The following EML1 variants were observed in gnomAD, a reference collection of about 807,000 sequenced individuals.
EML1 encodes echinoderm microtubule-associated protein-like 1.
Under a neutral mutation model 110.4 loss-of-function variants are expected in EML1, and 27 were observed. The observed-to-expected ratio is 0.24, with a 90% CI of 0.18 to 0.34. The LOEUF (loss-of-function observed/expected upper bound fraction) is 0.34, where lower values mean the gene tolerates loss of function less well. EML1 is among the 10% of genes least tolerant of loss of function. EML1 has a pLI of 1.00. For missense variants in EML1, 741 were observed against 1,030.9 expected (o/e 0.72, Z 3.85); for synonymous variants, 344 against 385.8 (o/e 0.89, Z 1.27).
At chr14:99,870,901 A>G (rs1202802866) in intron 3 of EML1, among the ~76,000 whole-genome samples, 1 of 152,150 alleles carries the variant, frequency 6.6e-6, no homozygotes, top group Non-Finnish European at 1.5e-5. Context: ...CACAACACGC[A>G]TTCTGCAGCC....
chr14:99,788,395 A>G (rs1052840840), intron 1 of EML1, among the ~76,000 whole-genome samples: 1 of 152,206 alleles, frequency 6.6e-6, no homozygotes, highest in Non-Finnish European at 1.5e-5. Flanking sequence ...CGTTCTTACT[A>G]TGCTCAGTGC....
intron 1 of EML1, among the ~76,000 whole-genome samples, chr14:99,833,361 GAT>G (rs2058491430): frequency 6.6e-6 from 1 of 152,100 alleles, no homozygotes; most frequent in South Asian, 2.1e-4. Flanking sequence ...CTATTCTGTT[GAT>G]CTGTTTACAC....
At chr14:99,770,934 G>A (rs1414468740), upstream of EML1, among the ~76,000 whole-genome samples, 1 of 151,852 alleles carries the variant, frequency 6.6e-6, no homozygotes, top group African/African-American at 2.4e-5. Flanking sequence ...ACAGGCGCCC[G>A]CCACTACGCC....
chr14:99,941,011 A>T lies in EML1; in HGVS notation c.*899A>T, dbSNP rs2060579993. The stretch of plus-strand genomic sequence containing the variant: ...ATTGTATATTTGTATTTTATGACCA[A>T]GTAGACCAAGTCAGAAAGATCTCTC... On this transcript the variant is annotated 3_prime_UTR_variant, in exon 22 of 22. Coordinates refer to ENST00000262233, the MANE Select transcript of EML1 (RefSeq NM_004434.3). 1 of 152,266 alleles carries T rather than the reference A, an allele frequency of 6.6e-6. No individual in the cohort carries two copies. Among genetic ancestry groups the T allele is most frequent in the Admixed American group, 6.5e-5 (1 of 15,288 alleles). The allele number at this position is 152,266 out of a possible 1,614,324, so 9.4% of individuals were successfully genotyped here.
At position 99,920,882 on chromosome 14, in the gene EML1, G is replaced by C. The variant is rs769995664; in HGVS notation, c.1909+5G>C. On this transcript the variant is annotated splice_donor_5th_base_variant and intron_variant, in intron 17 of 21. Coordinates refer to ENST00000262233, the MANE Select transcript of EML1 (RefSeq NM_004434.3). The stretch of plus-strand genomic sequence containing the variant: ...CTGTAATGCGATACTCACCAGGTTA[G>C]ACTCCAAACCATTCACTACTTTATT... The C allele has an allele frequency of 1.9e-6, 3 of 1,607,636 alleles. No homozygotes were observed. The African/African-American group carries it at 4.1e-5, about 22-fold the overall frequency.
rs2058548386 is a variant in EML1, at chr14:99,836,793, AC to A, written c.68-14059del. On this transcript the variant is annotated intron_variant, in intron 1 of 21. Transcript: ENST00000262233. ...TTCGAGCTTTGTACTGGGGGTAGTT[AC>A]TTGGAGACATTTTGATCCTTTTGGG... Among the ~76,000 whole-genome samples the A allele has an allele frequency of 3.3e-5, 5 of 151,990 alleles. No individual in the cohort carries two copies. The South Asian group carries it at 1.0e-3, about 32-fold the overall frequency.
At chr14:99,743,656 C>G (rs1466776017) in intron 1 of EML1, among the ~76,000 whole-genome samples, 2 of 152,190 alleles carry the variant, frequency 1.3e-5, no homozygotes, top group Non-Finnish European at 2.9e-5. Context: ...CAGCCCTGCA[C>G]TCACTCGGCA....
chr14:99,812,601 C>T (rs2058101002), intron 1 of EML1, among the ~76,000 whole-genome samples: 1 of 151,772 alleles, frequency 6.6e-6, no homozygotes, highest in African/African-American at 2.4e-5. Flanking sequence ...TTGCCTGGCT[C>T]AGAGGTGTCT....
chr14:99,745,404 G>GCA (rs1052684522), intron 1 of EML1, among the ~76,000 whole-genome samples: 10 of 152,108 alleles, frequency 6.6e-5, no homozygotes, highest in African/African-American at 2.2e-4. Context: ...TACACATATG[G>GCA]CACACACACA....
intron 3 of EML1, among the ~76,000 whole-genome samples, chr14:99,870,508 T>A (rs1222018313): frequency 6.6e-6 from 1 of 150,776 alleles, no homozygotes; most frequent in Non-Finnish European, 1.5e-5. Context: ...GAAACAGCGT[T>A]ACATTGGAGG....
chr14:99,849,289 T>C (rs1441957525), intron 1 of EML1, among the ~76,000 whole-genome samples: 1 of 152,192 alleles, frequency 6.6e-6, no homozygotes, highest in Admixed American at 6.5e-5. Context: ...AAGATGTAGT[T>C]CCGCTCTCTT....
intron 1 of EML1, among the ~76,000 whole-genome samples, chr14:99,826,360 C>A (rs1741285126): frequency 6.6e-6 from 1 of 152,086 alleles, no homozygotes; most frequent in Non-Finnish European, 1.5e-5. Context: ...TGATCCGCCT[C>A]CCTCAGCCTC....
intron 8 of EML1, 47 bp from the exon 9 acceptor site, chr14:99,900,882 G>T: frequency 6.6e-7 from 1 of 1,506,276 alleles, no homozygotes; most frequent in Non-Finnish European, 9.2e-7. Flanking sequence ...AAAGACACAT[G>T]TGTATCACCA....
chr14:99,889,758 G>A (rs1566920559), intron 4 of EML1, among the ~76,000 whole-genome samples: 1 of 152,210 alleles, frequency 6.6e-6, no homozygotes, highest in Non-Finnish European at 1.5e-5. Flanking sequence ...GGGGTCAGGT[G>A]CAGATTGGAT....
chr14:99,934,189 T>C (rs1044231287), intron 17 of EML1, among the ~76,000 whole-genome samples: 1 of 152,262 alleles, frequency 6.6e-6, no homozygotes, highest in East Asian at 1.9e-4. Flanking sequence ...TCATCGTCAC[T>C]GTTGCTGTCC....
At chr14:99,906,661 G>A (rs1304935522) in intron 9 of EML1, among the ~76,000 whole-genome samples, 2 of 152,130 alleles carry the variant, frequency 1.3e-5, no homozygotes, top group Admixed American at 6.5e-5. Context: ...CTAACCATCT[G>A]GGAATGCAGC....
intron 1 of EML1, among the ~76,000 whole-genome samples, chr14:99,815,280 T>C (rs2058148840): frequency 6.6e-6 from 1 of 151,824 alleles, no homozygotes; most frequent in Non-Finnish European, 1.5e-5. Context: ...TAGCTGGGAC[T>C]ACAGGCACCT....
At chr14:99,914,751 GTTTA>G (rs2060005648) in intron 15 of EML1, 54 bp downstream of exon 15, 21 of 1,545,438 alleles carry the variant, frequency 1.4e-5, no homozygotes, top group Middle Eastern at 1.9e-4. Context: ...TCTGGAACAT[GTTTA>G]TTTATTTTTT....
intron 4 of EML1, among the ~76,000 whole-genome samples, chr14:99,888,140 ATG>A (rs975882828): frequency 1.3e-5 from 2 of 152,254 alleles, no homozygotes; most frequent in Non-Finnish European, 2.9e-5. Flanking sequence ...ATTTAAAGAA[ATG>A]TAAGCATTTT....
Sources: gnomAD v4.1 joint callset for allele counts (sites outside exome capture counted in the v4.1 genomes callset) on GRCh38, gnomAD v4.1.1 for gene constraint, MANE v1.5 for transcripts, NCBI Gene and HGNC (gene_info 2026-07-23, HGNC 2026-07-21) for gene names.